Variants in GPR39 observed in about 807,000 individuals in gnomAD.
GPR39 encodes the protein G protein-coupled receptor 39, also known as zinc sensing receptor.
A neutral mutation model predicts 18.4 loss-of-function variants in GPR39; 23 were observed. The ratio of observed to expected loss-of-function variants is 1.25; its 90% CI spans 0.90 to 1.77. The LOEUF (loss-of-function observed/expected upper bound fraction) is 1.77, where lower values mean the gene tolerates loss of function less well. GPR39 is among the 40% of genes most tolerant of loss of function. The probability of loss-of-function intolerance (pLI) is 0.00; values close to 1 mark genes in which losing one functional copy is unlikely to be tolerated. For missense variants in GPR39, 647 were observed against 602.4 expected (o/e 1.07, Z -0.78); for synonymous variants, 280 against 257.9 (o/e 1.09, Z -0.82).
chr2:132,548,244 C>A (rs956458208), intron 1 of GPR39, among the ~76,000 whole-genome samples: 2 of 152,166 alleles, frequency 1.3e-5, no homozygotes, highest in Non-Finnish European at 2.9e-5. Flanking sequence ...TGCTGAAGTG[C>A]AATTTTTCAC....
At chr2:132,615,863 C>G (rs550798709) in intron 1 of GPR39, among the ~76,000 whole-genome samples, 7 of 151,954 alleles carry the variant, frequency 4.6e-5, no homozygotes, top group Admixed American at 1.3e-4. Context: ...CCTGCACTTG[C>G]CTGACACAGG....
intron 1 of GPR39, among the ~76,000 whole-genome samples, chr2:132,590,562 G>A (rs16837481): frequency 0.015 from 2,284 of 152,122 alleles, 74 homozygotes; most frequent in African/African-American, 0.052. Context: ...AGATGGGGTT[G>A]CATTGAGACC....
At chr2:132,545,653 G>GGTGTGTGTGTGTGT (rs5834318) in intron 1 of GPR39, among the ~76,000 whole-genome samples, 3,141 of 134,716 alleles carry the variant, frequency 0.023, 140 homozygotes, top group African/African-American at 0.074. Context: ...ATGTGTGATG[G>GGTGTGTGTGTGTGT]GCGTGTGTGT....
chr2:132,507,668 G>C (rs750852147), intron 1 of GPR39, among the ~76,000 whole-genome samples: 6 of 152,172 alleles, frequency 3.9e-5, no homozygotes, highest in Non-Finnish European at 5.9e-5. Flanking sequence ...TCAGCTGCAA[G>C]CTCAAGAAGG....
chr2:132,572,442 C>G (rs985187978), intron 1 of GPR39, among the ~76,000 whole-genome samples: 4 of 151,842 alleles, frequency 2.6e-5, no homozygotes, highest in Admixed American at 2.6e-4. Flanking sequence ...CCAGTCCCAA[C>G]TATCCAGTTC....
intron 1 of GPR39, among the ~76,000 whole-genome samples, chr2:132,489,576 T>A (rs1681417015): frequency 6.6e-6 from 1 of 152,014 alleles, no homozygotes; most frequent in Non-Finnish European, 1.5e-5. Context: ...TCAGTGTGGC[T>A]GCAGGTACCG....
intron 1 of GPR39, among the ~76,000 whole-genome samples, chr2:132,522,646 C>A (rs1399133714): frequency 6.6e-6 from 1 of 152,094 alleles, no homozygotes; most frequent in Non-Finnish European, 1.5e-5. Context: ...AAGATTGGGC[C>A]CATAATTTGG....
intron 1 of GPR39, among the ~76,000 whole-genome samples, chr2:132,490,893 A>T (rs1307744820): frequency 6.6e-6 from 1 of 152,156 alleles, no homozygotes; most frequent in Non-Finnish European, 1.5e-5. Context: ...GAGGGAGATG[A>T]TGATAAACGT....
At chr2:132,563,902 A>C (rs916781316) in intron 1 of GPR39, among the ~76,000 whole-genome samples, 76 of 152,120 alleles carry the variant, frequency 5.0e-4, no homozygotes, top group African/African-American at 1.7e-3. Flanking sequence ...GGGTCCCCCC[A>C]CCCCAACCAT....
intron 1 of GPR39, among the ~76,000 whole-genome samples, chr2:132,607,372 ATTC>A: frequency 6.6e-6 from 1 of 152,314 alleles, no homozygotes; most frequent in East Asian, 1.9e-4. Context: ...TCAGTCTCTT[ATTC>A]TTCCCTTAAG....
chr2:132,561,224 C>T (rs1307947405), intron 1 of GPR39, among the ~76,000 whole-genome samples: 4 of 152,100 alleles, frequency 2.6e-5, no homozygotes, highest in African/African-American at 9.7e-5. Flanking sequence ...GGCCCAGTGC[C>T]TCACATTTTC....
chr2:132,585,131 C>A (rs1258322993), intron 1 of GPR39, among the ~76,000 whole-genome samples: 1 of 152,180 alleles, frequency 6.6e-6, no homozygotes, highest in Non-Finnish European at 1.5e-5. Flanking sequence ...ACTCCCTCAA[C>A]CTCACAGAGG....
chr2:132,587,522 CT>C (rs1055112542), intron 1 of GPR39, among the ~76,000 whole-genome samples: 2 of 152,022 alleles, frequency 1.3e-5, no homozygotes, highest in African/African-American at 4.8e-5. Context: ...TTGATTAGGT[CT>C]TTTCTTTTTT....
At chr2:132,476,500 G>A (rs1311028856) in intron 1 of GPR39, among the ~76,000 whole-genome samples, 2 of 151,604 alleles carry the variant, frequency 1.3e-5, no homozygotes, top group East Asian at 2.0e-4. Flanking sequence ...GCTGGGCGTG[G>A]TGGTGGGTGC....
intron 1 of GPR39, among the ~76,000 whole-genome samples, chr2:132,480,924 G>A (rs771201457): frequency 6.6e-6 from 1 of 152,110 alleles, no homozygotes; most frequent in South Asian, 2.1e-4. Flanking sequence ...AATTAAGGGC[G>A]AGTTGCACAT....
chr2:132,568,573 G>A (rs2104811833), intron 1 of GPR39, among the ~76,000 whole-genome samples: 1 of 152,106 alleles, frequency 6.6e-6, no homozygotes, highest in Admixed American at 6.5e-5. Flanking sequence ...AGCCTTGGTG[G>A]TGGGCACCTG....
intron 1 of GPR39, among the ~76,000 whole-genome samples, chr2:132,534,694 A>G (rs917067903): frequency 6.6e-6 from 1 of 152,038 alleles, no homozygotes; most frequent in Non-Finnish European, 1.5e-5. Flanking sequence ...TTGTAGGGAC[A>G]TGGATGAAGC....
chr2:132,513,453 ACT>A (rs1181350823), intron 1 of GPR39, among the ~76,000 whole-genome samples: 1 of 119,728 alleles, frequency 8.4e-6, no homozygotes, highest in African/African-American at 3.1e-5. Context: ...ACAGAGCAAG[ACT>A]CTGTCTCAAA....
At chr2:132,562,924 A>C (rs1680280581) in intron 1 of GPR39, among the ~76,000 whole-genome samples, 1 of 152,182 alleles carries the variant, frequency 6.6e-6, no homozygotes, top group Non-Finnish European at 1.5e-5. Context: ...GACATTTCTC[A>C]TCCTTACTCA....
Sources: allele counts gnomAD v4.1 joint callset (sites outside exome capture counted in the v4.1 genomes callset), GRCh38; gene constraint gnomAD v4.1.1; transcripts MANE v1.5; gene names NCBI Gene and HGNC (gene_info 2026-07-23, HGNC 2026-07-21).